The following ARNT2 variants were observed in gnomAD, a reference collection of about 807,000 sequenced individuals.
ARNT2 encodes ARNT protein 2.
A neutral mutation model predicts 91.7 loss-of-function variants in ARNT2; 36 were observed. The observed-to-expected ratio is 0.39, with a 90% CI of 0.30 to 0.52. The LOEUF (loss-of-function observed/expected upper bound fraction) is 0.52. Ranked by LOEUF, ARNT2 falls within the 20% of genes least tolerant of loss-of-function variation. The probability of loss-of-function intolerance (pLI) is 0.72; values close to 1 mark genes in which losing one functional copy is unlikely to be tolerated. For missense variants in ARNT2, 775 were observed against 939.3 expected (o/e 0.83, Z 2.29); for synonymous variants, 365 against 347.1 (o/e 1.05, Z -0.57).
chr15:80,425,228 G>C (rs1895916625), intron 1 of ARNT2, among the ~76,000 whole-genome samples: 1 of 152,208 alleles, frequency 6.6e-6, no homozygotes, highest in Non-Finnish European at 1.5e-5. Flanking sequence ...GAGGATCCTA[G>C]AGTGTTGTGC....
chr15:80,411,765 T>C (rs1895683315), intron 1 of ARNT2, among the ~76,000 whole-genome samples: 1 of 151,966 alleles, frequency 6.6e-6, no homozygotes, highest in South Asian at 2.1e-4. Flanking sequence ...AGCAGGTGGG[T>C]GGGTGAGGAG....
At chr15:80,587,422 C>T (rs1893194547) in intron 17 of ARNT2, among the ~76,000 whole-genome samples, 2 of 151,880 alleles carry the variant, frequency 1.3e-5, no homozygotes, top group Admixed American at 6.6e-5. Context: ...GGTGGGGTTG[C>T]GCAAAATCAC....
At chr15:80,438,345 T>C (rs1896125843) in intron 1 of ARNT2, among the ~76,000 whole-genome samples, 1 of 152,186 alleles carries the variant, frequency 6.6e-6, no homozygotes, top group Non-Finnish European at 1.5e-5. Context: ...TTACTACAGA[T>C]GTTATGGTGT....
At chr15:80,469,074 C>A (rs1210142531) in intron 3 of ARNT2, among the ~76,000 whole-genome samples, 2 of 152,132 alleles carry the variant, frequency 1.3e-5, no homozygotes, top group East Asian at 3.8e-4. Flanking sequence ...TTTTGAACAC[C>A]AGTGAAACCC....
chr15:80,515,395 T>C (rs1193268162), intron 8 of ARNT2, among the ~76,000 whole-genome samples: 1 of 152,220 alleles, frequency 6.6e-6, no homozygotes, highest in Non-Finnish European at 1.5e-5. Flanking sequence ...TGGAATATTA[T>C]TCAGGAATAA....
In ARNT2 at chr15:80,406,118, G is replaced by A. The variant is rs59434879; in HGVS notation, c.31+1572G>A. On this transcript the variant is annotated intron_variant, in intron 1 of 18. Transcript: ENST00000303329. ...GAGAGGAAGGAATGCACCACTGGGC[G>A]GGTAGAAGAGTTCCAGATTTGGCAC... Among the ~76,000 whole-genome samples the A allele has an allele frequency of 9.2e-3, 1,394 of 152,272 alleles. 17 individuals carry two copies. The highest frequency in any genetic ancestry group is 0.032 in the African/African-American group (1,326 of 41,542).
At chr15:80,580,285 T>C in intron 15 of ARNT2, 126 bp from the exon 16 acceptor site, 1 of 1,233,184 alleles carries the variant, frequency 8.1e-7, no homozygotes. Flanking sequence ...TCATTTTCTC[T>C]AGTGACGTGC....
chr15:80,561,418 C>T (rs150949076), intron 11 of ARNT2, among the ~76,000 whole-genome samples: 73 of 152,304 alleles, frequency 4.8e-4, no homozygotes, highest in African/African-American at 1.6e-3. Context: ...ATTTATATCC[C>T]TTCTTCCATT....
chr15:80,421,421 G>C (rs2866740), intron 1 of ARNT2, among the ~76,000 whole-genome samples: 41 of 96,886 alleles, frequency 4.2e-4, no homozygotes, highest in Middle Eastern at 0.014. Context: ...GGAAGGAAAG[G>C]AGGGAGGGAG....
chr15:80,540,438 A>T (rs1413081045), intron 8 of ARNT2, among the ~76,000 whole-genome samples: 2 of 152,174 alleles, frequency 1.3e-5, no homozygotes, highest in African/African-American at 2.4e-5. Flanking sequence ...TGTGCTTATT[A>T]GCCATTTGTA....
chr15:80,535,232 C>T (rs1016984646), intron 8 of ARNT2, among the ~76,000 whole-genome samples: 3 of 152,190 alleles, frequency 2.0e-5, no homozygotes, highest in Non-Finnish European at 4.4e-5. Context: ...TTACATATTT[C>T]TCCTTTAGTC....
chr15:80,457,654 G>C (rs1237204479), intron 2 of ARNT2, among the ~76,000 whole-genome samples: 1 of 152,192 alleles, frequency 6.6e-6, no homozygotes, highest in African/African-American at 2.4e-5. Context: ...TCTAAGAAGG[G>C]AATGGCATAT....
intron 1 of ARNT2, among the ~76,000 whole-genome samples, chr15:80,413,294 C>T (rs914182098): frequency 2.0e-5 from 3 of 152,182 alleles, no homozygotes; most frequent in Non-Finnish European, 4.4e-5. Context: ...TATGGCCTTT[C>T]TCAAACGCTG....
intron 1 of ARNT2, among the ~76,000 whole-genome samples, chr15:80,448,148 A>G (rs1410481363): frequency 6.6e-6 from 1 of 152,160 alleles, no homozygotes; most frequent in Non-Finnish European, 1.5e-5. Flanking sequence ...TTCAAGGTAC[A>G]TATTATGAAC....
chr15:80,563,042 C>T (rs528834296), intron 11 of ARNT2, 46 bp from the exon 12 acceptor site: 9 of 1,610,712 alleles, frequency 5.6e-6, no homozygotes, highest in South Asian at 3.3e-5. Context: ...TCCCGTTTGG[C>T]ACCATCCTTC....
At chr15:80,517,826 T>A (rs1346045735) in intron 8 of ARNT2, among the ~76,000 whole-genome samples, 1 of 152,198 alleles carries the variant, frequency 6.6e-6, no homozygotes, top group South Asian at 2.1e-4. Context: ...CAGTGTTTTT[T>A]AATTTGAGCA....
At chr15:80,518,714 G>T (rs1340176168) in intron 8 of ARNT2, among the ~76,000 whole-genome samples, 1 of 152,090 alleles carries the variant, frequency 6.6e-6, no homozygotes, top group African/African-American at 2.4e-5. Context: ...CCTATGTCCT[G>T]GGGCTGTGAC....
intron 3 of ARNT2, among the ~76,000 whole-genome samples, chr15:80,466,440 T>C (rs1896654579): frequency 6.6e-6 from 1 of 152,240 alleles, no homozygotes; most frequent in African/African-American, 2.4e-5. Context: ...CTGGTCCTGC[T>C]TCCCTGTACA....
intron 1 of ARNT2, among the ~76,000 whole-genome samples, chr15:80,425,596 T>C (rs938683872): frequency 6.6e-6 from 1 of 152,178 alleles, no homozygotes; most frequent in Non-Finnish European, 1.5e-5. Flanking sequence ...TCCAAAAAAA[T>C]GGGATACATG....
Sources: gnomAD v4.1 joint callset for allele counts (sites outside exome capture counted in the v4.1 genomes callset) on GRCh38, gnomAD v4.1.1 for gene constraint, MANE v1.5 for transcripts, NCBI Gene and HGNC (gene_info 2026-07-23, HGNC 2026-07-21) for gene names.